MET: variants seen among roughly 807,000 people sequenced by gnomAD.
MET encodes MET proto-oncogene, receptor tyrosine kinase, also known as hepatocyte growth factor receptor.
In MET, 48 loss-of-function variants were observed where a neutral mutation model predicts 133.1. That is an observed-to-expected ratio of 0.36 (90% CI 0.29 to 0.46). The LOEUF (loss-of-function observed/expected upper bound fraction) is 0.46. MET is among the 20% of genes least tolerant of loss of function. The probability of loss-of-function intolerance (pLI) is 1.00; values close to 1 mark genes in which losing one functional copy is unlikely to be tolerated. For synonymous variants in MET, 628 were observed against 616.5 expected (o/e 1.02, Z -0.28); for missense variants, 1,442 against 1,695.9 (o/e 0.85, Z 2.63).
intron 2 of MET, 64 bp downstream of exon 2, chr7:116,700,348 C>A: frequency 6.5e-7 from 1 of 1,535,356 alleles, no homozygotes; most frequent in Non-Finnish European, 8.7e-7. Context: ...GTATCAGTCT[C>A]AAAAAGAATA....
At chr7:116,726,174 T>TATACACACACACATGCATATAC (rs1792775070) in intron 2 of MET, among the ~76,000 whole-genome samples, 6 of 8,948 alleles carry the variant, frequency 6.7e-4, no homozygotes, top group East Asian at 3.4e-3. Flanking sequence ...TATATATATA[T>TATACACACACACATGCATATAC]ATATGGGATA....
intron 10 of MET, among the ~76,000 whole-genome samples, chr7:116,760,545 T>C (rs1794359907): frequency 6.6e-6 from 1 of 152,202 alleles, no homozygotes; most frequent in South Asian, 2.1e-4. Flanking sequence ...ATGAAAGTTC[T>C]AAGTGCTCTT....
At chr7:116,783,280 T>C in intron 18 of MET, 24 bp from the exon 19 acceptor site, 1 of 1,613,972 alleles carries the variant, frequency 6.2e-7, no homozygotes, top group Non-Finnish European at 8.5e-7. Context: ...CAGCCACGGG[T>C]AATAATTTTT....
intron 1 of MET, among the ~76,000 whole-genome samples, chr7:116,696,810 C>T (rs1029664052): frequency 6.6e-6 from 1 of 152,190 alleles, no homozygotes; most frequent in African/African-American, 2.4e-5. Context: ...AATTTTTATT[C>T]CTTCTAGTGC....
intron 2 of MET, among the ~76,000 whole-genome samples, chr7:116,702,121 A>T (rs1209429198): frequency 6.6e-6 from 1 of 152,138 alleles, no homozygotes. Context: ...AACAGACAGG[A>T]TTAGCCAATG....
intron 14 of MET, 63 bp from the exon 15 acceptor site, chr7:116,774,818 G>A (rs2117028756): frequency 2.3e-6 from 3 of 1,277,494 alleles, no homozygotes; most frequent in Non-Finnish European, 3.4e-6. Context: ...AGCTCTTCCT[G>A]TTTCAGTCCC....
intron 2 of MET, among the ~76,000 whole-genome samples, chr7:116,726,935 C>T (rs903053147): frequency 1.3e-5 from 2 of 152,124 alleles, no homozygotes; most frequent in Non-Finnish European, 2.9e-5. Context: ...TGCCCAGAAG[C>T]ACCACTGTGG....
chr7:116,703,662 A>T (rs574508877), intron 2 of MET, among the ~76,000 whole-genome samples: 2 of 152,110 alleles, frequency 1.3e-5, no homozygotes, highest in African/African-American at 4.8e-5. Context: ...TCTTTTACAT[A>T]TAAGGGATTG....
Position 116,787,346 on chromosome 7 carries a change from T to C in MET, c.3798+3877T>C, listed in dbSNP as rs553074721. Among the ~76,000 whole-genome samples the C allele has an allele frequency of 5.3e-5, 8 of 152,294 alleles. No individual in the cohort carries two copies. In the South Asian group the frequency reaches 8.3e-4, roughly 16 times the overall value. Reference sequence around the variant, plus strand: ...AGAGCCAACCCTTACAACTCAATAATAAGACTGTCTTAGTCGTTTTGTGCT... The same window carrying C: ...AGAGCCAACCCTTACAACTCAATAACAAGACTGTCTTAGTCGTTTTGTGCT... On this transcript the variant is annotated intron_variant, in intron 19 of 20. Coordinates refer to ENST00000397752, the MANE Select transcript of MET (RefSeq NM_000245.4).
At position 116,774,120 on chromosome 7, in the gene MET, G is replaced by C. The variant is rs566713361; in HGVS notation, c.3029-761G>C. On this transcript the variant is annotated intron_variant, in intron 14 of 20. Coordinates refer to ENST00000397752, the MANE Select transcript of MET (RefSeq NM_000245.4). ...ATGCCCTATTTGGCATTAAGAAATTGACTATCAGCACCATTTCTTCCCCTG... is the reference window on the plus strand; with the variant it reads ...ATGCCCTATTTGGCATTAAGAAATTCACTATCAGCACCATTTCTTCCCCTG... Among the ~76,000 whole-genome samples, 6 of 152,112 alleles carry C rather than the reference G, an allele frequency of 3.9e-5. No individual in the cohort carries two copies. In the South Asian group the frequency reaches 8.3e-4, roughly 21 times the overall value.
Position 116,769,661 on chromosome 7 carries a change from C to G in MET, c.2600C>G (p.Pro867Arg), listed in dbSNP as rs983062105. Residue 867 changes from proline (P) to arginine (R), a missense_variant, in exon 12 of 21, where the codon CCT becomes CGT. Coordinates refer to ENST00000397752, the MANE Select transcript of MET (RefSeq NM_000245.4). The stretch of plus-strand genomic sequence containing the variant: ...TCCTTTCAGGGAAATGATATTGACC[C>G]TGAAGCAGTTAAAGGTGAAGTGTTA... ...VLEIKGNDID[P>R]EAVKGEVLKV... 1 of 1,611,550 alleles carries G rather than the reference C, an allele frequency of 6.2e-7. No individual in the cohort carries two copies. Among genetic ancestry groups the G allele is most frequent in the African/African-American group, 1.3e-5 (1 of 74,164 alleles).
chr7:116,752,681 C>T (rs961666135), intron 5 of MET, among the ~76,000 whole-genome samples: 2 of 152,234 alleles, frequency 1.3e-5, no homozygotes, highest in African/African-American at 4.8e-5. Context: ...AATATCTCTT[C>T]CTATTGCCAG....
chr7:116,731,927 T>C lies in MET; in HGVS notation c.1392+68T>C. The C allele has an allele frequency of 2.6e-6, 4 of 1,526,280 alleles. No homozygotes were observed. In the East Asian group the frequency reaches 6.8e-5, roughly 26 times the overall value. The allele number at this position is 1,526,280 out of a possible 1,614,324, so 94.5% of individuals were successfully genotyped here. ...TTGTGCAATTAATTTGTTTTCGTTT[T>C]TGCAGTAAGGTATTTGCAAATACTG... On this transcript the variant is annotated intron_variant, in intron 3 of 20. Transcript: ENST00000397752.
chr7:116,763,317 T>C (rs1194342773), intron 11 of MET, 49 bp downstream of exon 11: 17 of 1,502,506 alleles, frequency 1.1e-5, no homozygotes, highest in Non-Finnish European at 1.5e-5. Flanking sequence ...CAAACTTAAT[T>C]GACTTCATAG....
chr7:116,726,255 C>T (rs1792782116), intron 2 of MET, among the ~76,000 whole-genome samples: 1 of 135,016 alleles, frequency 7.4e-6, no homozygotes, highest in Non-Finnish European at 1.6e-5. Flanking sequence ...CCCTGAATAT[C>T]CCATCCTAGC....
At chr7:116,760,714 A>T (rs966789607) in intron 10 of MET, among the ~76,000 whole-genome samples, 1 of 152,210 alleles carries the variant, frequency 6.6e-6, no homozygotes, top group Non-Finnish European at 1.5e-5. Context: ...CCAAATAATA[A>T]GGTCATTTCA....
chr7:116,783,301 T>C lies in MET; in HGVS notation c.3633-3T>C. The stretch of plus-strand genomic sequence containing the variant: ...CGGGTAATAATTTTTGTCCTTTCTG[T>C]AGGCTGGATGAAAAATTCACAGTCA... On this transcript the variant is annotated splice_region_variant and splice_polypyrimidine_tract_variant and intron_variant, in intron 18 of 20. Transcript: ENST00000397752. 1 of 1,614,128 alleles carries C rather than the reference T, an allele frequency of 6.2e-7. No individual in the cohort carries two copies. The highest frequency in any genetic ancestry group is 8.5e-7 in the Non-Finnish European group (1 of 1,180,000).
At position 116,771,647 on chromosome 7, in the gene MET, A is replaced by T. The variant is rs2116993238; in HGVS notation, c.2880A>T (p.Gln960His). Reference protein sequence around the residue: ...GFFLWLKKRKQIKDLGSELVR... With the variant: ...GFFLWLKKRKHIKDLGSELVR... ...TCCTGTGGCTGAAAAAGAGAAAGCA[A>T]ATTAAAGGTGCATTTTTGTTACTGT... is the stretch of plus-strand genomic sequence containing the variant. Residue 960 changes from glutamine to histidine, a missense_variant, in exon 13 of 21, where the codon CAA (glutamine) becomes CAT (histidine). Physicochemically the swap from Gln to His is conservative, Grantham distance 24. Coordinates refer to ENST00000397752, the MANE Select transcript of MET (RefSeq NM_000245.4). 1.9e-6 allele frequency: 3 copies of T among 1,613,786 alleles called. No individual in the cohort carries two copies. The highest frequency in any genetic ancestry group is 2.5e-6 in the Non-Finnish European group (3 of 1,179,780).
chr7:116,715,016 A>G (rs1242355593), intron 2 of MET, among the ~76,000 whole-genome samples: 1 of 152,164 alleles, frequency 6.6e-6, no homozygotes, highest in Non-Finnish European at 1.5e-5. Flanking sequence ...GATCTAAACA[A>G]TTGGATTTTG....
Sources: gnomAD v4.1 joint callset for allele counts (sites outside exome capture counted in the v4.1 genomes callset) on GRCh38, gnomAD v4.1.1 for gene constraint, MANE v1.5 for transcripts, NCBI Gene and HGNC (gene_info 2026-07-23, HGNC 2026-07-21) for gene names.